Variants in NTNG1 observed in about 807,000 individuals in gnomAD.
NTNG1 encodes the protein netrin G1, also known as netrin-G1.
A neutral mutation model predicts 54.0 loss-of-function variants in NTNG1; 16 were observed. That is an observed-to-expected ratio of 0.30 (90% CI 0.20 to 0.45). The LOEUF (loss-of-function observed/expected upper bound fraction) is 0.45, where lower values mean the gene tolerates loss of function less well. NTNG1 is among the 20% of genes least tolerant of loss of function. NTNG1 has a pLI of 1.00. For missense variants in NTNG1, 530 were observed against 678.7 expected (o/e 0.78, Z 2.43); for synonymous variants, 255 against 263.1 (o/e 0.97, Z 0.30).
rs1297971490 is a variant in NTNG1, at chr1:107,148,251, T to C, written c.-343T>C. 4.9e-6 allele frequency: 1 copy of C among 203,968 alleles called. No homozygotes were observed. The highest frequency in any genetic ancestry group is 1.0e-5 in the Non-Finnish European group (1 of 100,448). 12.6% of individuals were successfully genotyped at this position (203,968 alleles called of 1,614,324 possible). ...GGAGAGCCATCGCTTTGCTAAATTA[T>C]TATCTGCAATTGGACATCTTTTACA... On this transcript the variant is annotated 5_prime_UTR_variant, in exon 2 of 8. Coordinates refer to ENST00000370068, the MANE Select transcript of NTNG1 (RefSeq NM_001113226.3).
chr1:107,150,950 G>A (rs1178623309), intron 2 of NTNG1, among the ~76,000 whole-genome samples: 1 of 152,160 alleles, frequency 6.6e-6, no homozygotes, highest in Admixed American at 6.5e-5. Context: ...GCAGTAATGT[G>A]TATACTATGT....
chr1:107,458,600 A>G (rs1410558882), intron 7 of NTNG1, among the ~76,000 whole-genome samples: 2 of 152,198 alleles, frequency 1.3e-5, no homozygotes, highest in Non-Finnish European at 2.9e-5. Flanking sequence ...CTGCAAATTC[A>G]GTTAATTCAC....
chr1:107,357,352 GA>G (rs1479136069), intron 3 of NTNG1, among the ~76,000 whole-genome samples: 2 of 151,920 alleles, frequency 1.3e-5, no homozygotes, highest in Non-Finnish European at 2.9e-5. Context: ...GTGAGCATGA[GA>G]AAGGGAAGAA....
chr1:107,382,784 T>C (rs910162286), intron 3 of NTNG1, among the ~76,000 whole-genome samples: 2 of 152,240 alleles, frequency 1.3e-5, no homozygotes, highest in Non-Finnish European at 2.9e-5. Context: ...TCTCTCTCTC[T>C]TTATTTTTTG....
At chr1:107,285,063 G>A (rs1665102777) in intron 2 of NTNG1, among the ~76,000 whole-genome samples, 1 of 152,024 alleles carries the variant, frequency 6.6e-6, no homozygotes, top group Admixed American at 6.6e-5. Context: ...GGACATTTGA[G>A]AATTACTAAT....
At chr1:107,437,045 TC>T (rs1250408041) in intron 7 of NTNG1, among the ~76,000 whole-genome samples, 1 of 152,008 alleles carries the variant, frequency 6.6e-6, no homozygotes, top group African/African-American at 2.4e-5. Flanking sequence ...TGTATGGAGA[TC>T]CATATACCCG....
chr1:107,451,708 A>C (rs1330898641), intron 7 of NTNG1, among the ~76,000 whole-genome samples: 2 of 152,164 alleles, frequency 1.3e-5, no homozygotes, highest in Non-Finnish European at 2.9e-5. Context: ...TATGGTAGGA[A>C]GAGAGACCTT....
intron 4 of NTNG1, among the ~76,000 whole-genome samples, chr1:107,400,546 G>A (rs1672955449): frequency 6.6e-6 from 1 of 152,044 alleles, no homozygotes; most frequent in African/African-American, 2.4e-5. Flanking sequence ...GTATGACAGA[G>A]CAAGATTTAA....
At position 107,436,809 on chromosome 1, in the gene NTNG1, T is replaced by C; in HGVS notation, c.1390+10T>C. 2 of 1,612,894 alleles carry C rather than the reference T, an allele frequency of 1.2e-6. No homozygotes were observed. Among genetic ancestry groups the C allele is most frequent in the Non-Finnish European group, 1.7e-6 (2 of 1,179,262 alleles). On this transcript the variant is annotated intron_variant, in intron 7 of 7. Coordinates refer to ENST00000370068, the MANE Select transcript of NTNG1 (RefSeq NM_001113226.3). Reference sequence around the variant, plus strand: ...CACTACGGCTGTCAACGTAAGTAACTCTGGGAGCTGCCCTCTGCCTGCTGC... The same window carrying C: ...CACTACGGCTGTCAACGTAAGTAACCCTGGGAGCTGCCCTCTGCCTGCTGC...
intron 2 of NTNG1, among the ~76,000 whole-genome samples, chr1:107,320,393 G>A (rs1227501139): frequency 6.6e-6 from 1 of 151,996 alleles, no homozygotes; most frequent in African/African-American, 2.4e-5. Flanking sequence ...AGTGTACTTT[G>A]TTTTTGTAAG....
intron 5 of NTNG1, among the ~76,000 whole-genome samples, chr1:107,417,380 G>A (rs896364345): frequency 6.6e-6 from 1 of 152,054 alleles, no homozygotes; most frequent in Non-Finnish European, 1.5e-5. Flanking sequence ...CAAGTCTCTT[G>A]TCTTGGAAGA....
chr1:107,356,902 T>C (rs537853174), intron 3 of NTNG1, among the ~76,000 whole-genome samples: 6 of 151,392 alleles, frequency 4.0e-5, no homozygotes, highest in Non-Finnish European at 5.9e-5. Flanking sequence ...ACTCGGGAGG[T>C]TGAGGCATGA....
At chr1:107,276,196 C>T (rs1664461880) in intron 2 of NTNG1, among the ~76,000 whole-genome samples, 1 of 152,162 alleles carries the variant, frequency 6.6e-6, no homozygotes, top group Non-Finnish European at 1.5e-5. Flanking sequence ...TAAGGAGACT[C>T]TATTAAATAC....
At chr1:107,328,721 T>G (rs963509731) in intron 3 of NTNG1, among the ~76,000 whole-genome samples, 2 of 152,150 alleles carry the variant, frequency 1.3e-5, no homozygotes, top group Non-Finnish European at 2.9e-5. Context: ...GCTGCATAGA[T>G]TTTATGAAAT....
chr1:107,152,510 C>G (rs1239089362), intron 2 of NTNG1, among the ~76,000 whole-genome samples: 1 of 152,180 alleles, frequency 6.6e-6, no homozygotes, highest in African/African-American at 2.4e-5. Context: ...CTGCAGTTAT[C>G]TCTAGCCTGC....
intron 3 of NTNG1, among the ~76,000 whole-genome samples, chr1:107,337,472 A>G (rs1668653765): frequency 6.6e-6 from 1 of 152,040 alleles, no homozygotes; most frequent in Non-Finnish European, 1.5e-5. Flanking sequence ...ATGAAAAAGA[A>G]GATTCATTTG....
In NTNG1 at chr1:107,148,344, G is replaced by A. The variant is rs559090412; in HGVS notation, c.-250G>A. On this transcript the variant is annotated 5_prime_UTR_variant, in exon 2 of 8. Coordinates refer to ENST00000370068, the MANE Select transcript of NTNG1 (RefSeq NM_001113226.3). ...AAAGAAAAAGCTGCAAGTTGTTAAC[G>A]CCTAACACACAAGTATGTTAGGCTT... The A allele has an allele frequency of 4.3e-4, 183 of 426,558 alleles. 4 individuals are homozygous for A. In the South Asian group the frequency reaches 6.3e-3, roughly 15 times the overall value. 26.4% of individuals were successfully genotyped at this position (426,558 alleles called of 1,614,324 possible). A position where few individuals can be genotyped will look rare whatever the true frequency, so the allele number is the denominator to read the frequency against.
At chr1:107,392,074 T>A (rs1672399168) in intron 3 of NTNG1, among the ~76,000 whole-genome samples, 2 of 152,022 alleles carry the variant, frequency 1.3e-5, no homozygotes, top group East Asian at 3.9e-4. Context: ...CCAAAGAGTT[T>A]AGTTTGGGGA....
chr1:107,430,989 G>C, intron 6 of NTNG1, 72 bp downstream of exon 6: 3 of 1,461,964 alleles, frequency 2.1e-6, no homozygotes, highest in Non-Finnish European at 2.8e-6. Flanking sequence ...GGGTGGAGAG[G>C]CTGGCGATTT....
Sources: gnomAD v4.1 joint callset for allele counts (sites outside exome capture counted in the v4.1 genomes callset) on GRCh38, gnomAD v4.1.1 for gene constraint, MANE v1.5 for transcripts, NCBI Gene and HGNC (gene_info 2026-07-23, HGNC 2026-07-21) for gene names.